The following SCN8A variants were observed in gnomAD, a reference collection of about 807,000 sequenced individuals.
SCN8A encodes sodium channel protein type 8 subunit alpha.
A neutral mutation model predicts 184.1 loss-of-function variants in SCN8A; 30 were observed. That is an observed-to-expected ratio of 0.16 (90% CI 0.12 to 0.22). The LOEUF (loss-of-function observed/expected upper bound fraction) is 0.22. Among genes scored for constraint, SCN8A ranks in the 10% least tolerant of loss-of-function variants. The pLI is 1.00. For synonymous variants in SCN8A, 852 were observed against 907.0 expected, an observed-to-expected ratio of 0.94 and a Z score of 1.09; for missense variants, 1,057 against 2,498.9, an observed-to-expected ratio of 0.42 and a Z score of 12.30.
intron 21 of SCN8A, 46 bp from the exon 22 acceptor site, chr12:51,786,496 G>A (rs779263607): frequency 6.2e-7 from 1 of 1,604,764 alleles, no homozygotes; most frequent in Non-Finnish European, 8.5e-7. Flanking sequence ...AAATGTGCTT[G>A]CTCTCATTTC....
At chr12:51,805,518 T>C (rs1162302090) in intron 26 of SCN8A, among the ~76,000 whole-genome samples, 1 of 152,164 alleles carries the variant, frequency 6.6e-6, no homozygotes, top group Non-Finnish European at 1.5e-5. Flanking sequence ...ATAGTAAATC[T>C]ATAAAGGCAC....
At chr12:51,758,040 G>A (rs1197792287) in intron 14 of SCN8A, among the ~76,000 whole-genome samples, 2 of 152,200 alleles carry the variant, frequency 1.3e-5, no homozygotes, top group African/African-American at 2.4e-5. Flanking sequence ...AGCTACTTGG[G>A]AGGCTGAGGC....
intron 14 of SCN8A, among the ~76,000 whole-genome samples, chr12:51,756,410 G>A (rs968872249): frequency 3.3e-5 from 5 of 152,236 alleles, no homozygotes; most frequent in African/African-American, 7.2e-5. Context: ...AGCTCACCTG[G>A]CTCTGGCACC....
intron 18 of SCN8A, 190 bp from the exon 19 acceptor site, chr12:51,770,339 C>G (rs1942905392): frequency 1.6e-6 from 1 of 644,990 alleles, no homozygotes; most frequent in Non-Finnish European, 2.6e-6. Flanking sequence ...GGGCCTTGCC[C>G]CATTAGCCTT....
Position 51,663,819 on chromosome 12 carries a change from G to GC in SCN8A, c.276+728dup, listed in dbSNP as rs149467114. ...ACAAGGCACCAAGTAGAGAAACAAAGCCTCCTGGGTGATCCACCAGCTAAA... is the reference window on the plus strand; with the variant it reads ...ACAAGGCACCAAGTAGAGAAACAAAGCCCTCCTGGGTGATCCACCAGCTAAA... On this transcript the variant is annotated intron_variant, in intron 2 of 26. Coordinates refer to ENST00000627620, the MANE Select transcript of SCN8A (RefSeq NM_001330260.2). Among the ~76,000 whole-genome samples the GC allele has an allele frequency of 5.4e-4, 82 of 151,334 alleles. 4 individuals carry two copies. In the East Asian group the frequency reaches 0.014, roughly 26 times the overall value.
intron 1 of SCN8A, among the ~76,000 whole-genome samples, chr12:51,654,239 T>C (rs1163378778): frequency 6.6e-6 from 1 of 152,234 alleles, no homozygotes; most frequent in Non-Finnish European, 1.5e-5. Context: ...CCTATGCTTT[T>C]GGTGTCATGT....
intron 14 of SCN8A, among the ~76,000 whole-genome samples, chr12:51,753,260 C>T (rs554144341): frequency 4.3e-4 from 65 of 152,192 alleles, no homozygotes; most frequent in African/African-American, 1.4e-3. Flanking sequence ...GGTTTTCAAA[C>T]GGCAAGTAAA....
chr12:51,735,145 A>G (rs1309344837), intron 12 of SCN8A, among the ~76,000 whole-genome samples: 5 of 152,216 alleles, frequency 3.3e-5, no homozygotes, highest in African/African-American at 1.2e-4. Context: ...AGGTGCCACT[A>G]TACCACCATG....
At chr12:51,736,778 G>A (rs936780543) in intron 12 of SCN8A, among the ~76,000 whole-genome samples, 4 of 152,218 alleles carry the variant, frequency 2.6e-5, no homozygotes, top group Non-Finnish European at 4.4e-5. Flanking sequence ...TCAATTAACC[G>A]TGTGGAGTGA....
chr12:51,759,713 A>G (rs1355610124), intron 14 of SCN8A, among the ~76,000 whole-genome samples: 1 of 152,220 alleles, frequency 6.6e-6, no homozygotes, highest in East Asian at 1.9e-4. Context: ...GCATAAGAAC[A>G]TAAATTCTAA....
At chr12:51,678,154 A>G (rs906209081) in intron 2 of SCN8A, among the ~76,000 whole-genome samples, 2 of 152,250 alleles carry the variant, frequency 1.3e-5, no homozygotes, top group African/African-American at 4.8e-5. Flanking sequence ...ATCTCTCTCA[A>G]AGTCAACCCA....
At chr12:51,608,213 G>A (rs1209459185) in intron 1 of SCN8A, among the ~76,000 whole-genome samples, 1 of 151,684 alleles carries the variant, frequency 6.6e-6, no homozygotes, top group Non-Finnish European at 1.5e-5. Flanking sequence ...TAGTAGAGAC[G>A]GGGTTTCACC....
intron 1 of SCN8A, among the ~76,000 whole-genome samples, chr12:51,620,053 T>C (rs1021988566): frequency 6.6e-6 from 1 of 152,196 alleles, no homozygotes; most frequent in Non-Finnish European, 1.5e-5. Flanking sequence ...TGAAAAAATT[T>C]TGTGCAAGAA....
intron 16 of SCN8A, among the ~76,000 whole-genome samples, chr12:51,767,870 A>G (rs949063577): frequency 3.3e-5 from 5 of 152,164 alleles, no homozygotes; most frequent in Middle Eastern, 3.2e-3. Context: ...AATCTCTGTC[A>G]TCATCTGTGA....
At chr12:51,723,897 T>A (rs1441531390) in intron 12 of SCN8A, among the ~76,000 whole-genome samples, 1 of 151,990 alleles carries the variant, frequency 6.6e-6, no homozygotes, top group Non-Finnish European at 1.5e-5. Context: ...AATATTTCTG[T>A]TTTTGAGATG....
intron 8 of SCN8A, 52 bp from the exon 9 acceptor site, chr12:51,702,710 CTCCAAGGTCAT>C: frequency 7.5e-7 from 1 of 1,339,362 alleles, no homozygotes; most frequent in East Asian, 2.6e-5. Flanking sequence ...TATTTATTAT[CTCCAAGGTCAT>C]GGCTGGGTGG....
rs376547086 is a variant in SCN8A, at chr12:51,769,115, C to T, written c.3152C>T (p.Ala1051Val). ...KANCIANHTGADIHRNGDFQK... is the reference protein window; with the variant it reads ...KANCIANHTGVDIHRNGDFQK... The stretch of plus-strand genomic sequence containing the variant: ...AACTGTATCGCCAATCACACCGGTG[C>T]AGACATCCACCGGAATGGTGACTTC... The change falls in exon 17 of 27, where the codon GCA (alanine) becomes GTA (valine). Residue 1051 changes from alanine to valine, a missense_variant. Around this residue, in one of 19 missense-constraint regions of SCN8A, gnomAD observed 178 missense variants for 259.6 expected, o/e 0.69. Transcript: ENST00000627620. 1.9e-6 allele frequency: 3 copies of T among 1,613,304 alleles called. No homozygotes were observed. Among genetic ancestry groups the T allele is most frequent in the Admixed American group, 3.3e-5 (2 of 59,886 alleles).
intron 11 of SCN8A, among the ~76,000 whole-genome samples, chr12:51,711,530 A>T (rs1342626005): frequency 1.3e-5 from 2 of 152,200 alleles, no homozygotes; most frequent in Non-Finnish European, 2.9e-5. Flanking sequence ...GTAAGTGTTC[A>T]AGCCAAGATT....
At chr12:51,799,968 G>A (rs1938509561) in intron 26 of SCN8A, among the ~76,000 whole-genome samples, 1 of 152,210 alleles carries the variant, frequency 6.6e-6, no homozygotes, top group African/African-American at 2.4e-5. Flanking sequence ...AGTAAGTCCA[G>A]TGTGTTTGCT....
Sources: allele counts gnomAD v4.1 joint callset (sites outside exome capture counted in the v4.1 genomes callset), GRCh38; gene constraint gnomAD v4.1.1; regional missense constraint gnomAD v4.1.1; transcripts MANE v1.5; gene names NCBI Gene and HGNC (gene_info 2026-07-23, HGNC 2026-07-21).